EEF1E1: variants seen among roughly 807,000 people sequenced by gnomAD.
EEF1E1 encodes the protein eukaryotic translation elongation factor 1 epsilon-1.
EEF1E1 carries 19 observed loss-of-function variants against 19.9 expected under a neutral mutation model. The ratio of observed to expected loss-of-function variants is 0.95; its 90% confidence interval spans 0.66 to 1.40. The LOEUF is 1.40. EEF1E1 is among the 40% of genes most tolerant of loss of function. The probability of loss-of-function intolerance (pLI) is 0.00; values close to 1 mark genes in which losing one functional copy is unlikely to be tolerated. For synonymous variants in EEF1E1, 81 were observed against 80.0 expected (o/e 1.01, Z -0.07); for missense variants, 198 against 202.2 (o/e 0.98, Z 0.13).
At chr6:8,093,818 G>A (rs1758089805) in intron 2 of EEF1E1, among the ~76,000 whole-genome samples, 1 of 149,454 alleles carries the variant, frequency 6.7e-6, no homozygotes, top group African/African-American at 2.5e-5. Flanking sequence ...TTTTTTTTGA[G>A]ACACAGCCTC....
intron 1 of EEF1E1, among the ~76,000 whole-genome samples, chr6:8,099,782 ACAC>A (rs1286071039): frequency 0.018 from 2,179 of 121,588 alleles, 94 homozygotes; most frequent in African/African-American, 0.04. Flanking sequence ...ACACACACAC[ACAC>A]ACACACAAAA....
At chr6:8,090,405 ACT>A (rs1282915145) in intron 2 of EEF1E1, 124 bp from the exon 3 acceptor site, 2 of 684,144 alleles carry the variant, frequency 2.9e-6, no homozygotes, top group African/African-American at 1.9e-5. Context: ...TAATAAATTT[ACT>A]CTTTGACATT....
intron 2 of EEF1E1, among the ~76,000 whole-genome samples, chr6:8,095,794 T>A (rs1758157172): frequency 2.6e-5 from 4 of 152,116 alleles, no homozygotes; most frequent in Admixed American, 2.6e-4. Flanking sequence ...TGTCTTAAAA[T>A]AGCAAAACAA....
At chr6:8,081,362 C>T (rs1206557712) in intron 3 of EEF1E1, among the ~76,000 whole-genome samples, 3 of 152,186 alleles carry the variant, frequency 2.0e-5, no homozygotes, top group Non-Finnish European at 4.4e-5. Flanking sequence ...ATAAATAACA[C>T]ATCAGTCAAG....
chr6:8,093,462 G>A (rs1268655757), intron 2 of EEF1E1, among the ~76,000 whole-genome samples: 1 of 150,890 alleles, frequency 6.6e-6, no homozygotes, highest in Non-Finnish European at 1.5e-5. Context: ...TGAAAAAGCA[G>A]TAAAATAAAC....
chr6:8,096,436 C>G (rs764911923), intron 2 of EEF1E1, among the ~76,000 whole-genome samples: 27 of 152,186 alleles, frequency 1.8e-4, no homozygotes, highest in Non-Finnish European at 2.8e-4. Flanking sequence ...AGTTCTGAAA[C>G]TGACTTTGTA....
At chr6:8,100,773 G>A (rs946948998) in intron 1 of EEF1E1, among the ~76,000 whole-genome samples, 11 of 151,452 alleles carry the variant, frequency 7.3e-5, no homozygotes, top group Non-Finnish European at 7.4e-5. Flanking sequence ...TTTACGTACA[G>A]CTGTCCTGGT....
chr6:8,082,271 G>A (rs2815165), intron 3 of EEF1E1, among the ~76,000 whole-genome samples: 113,081 of 151,998 alleles, frequency 0.74, 42,550 homozygotes, highest in East Asian at 0.91. Flanking sequence ...TTATTCCAAT[G>A]ATTTATTTAT....
chr6:8,095,312 C>G, intron 2 of EEF1E1: 1 of 352,346 alleles, frequency 2.8e-6, no homozygotes, highest in Non-Finnish European at 5.7e-6. Flanking sequence ...ACCAGCCTGG[C>G]CAACATGATG....
chr6:8,077,273 A>T (rs367710893), downstream of EEF1E1, among the ~76,000 whole-genome samples: 8 of 152,200 alleles, frequency 5.3e-5, 1 homozygote, highest in African/African-American at 1.9e-4. Flanking sequence ...GGGCCCTAGG[A>T]TTTTTGGAAT....
At chr6:8,082,622 T>G (rs889419743) in intron 3 of EEF1E1, among the ~76,000 whole-genome samples, 8 of 152,228 alleles carry the variant, frequency 5.3e-5, no homozygotes, top group African/African-American at 1.9e-4. Flanking sequence ...TTTGACAATA[T>G]TTTTAGATGA....
At chr6:8,098,855 C>T (rs558530877) in intron 1 of EEF1E1, among the ~76,000 whole-genome samples, 61 of 152,286 alleles carry the variant, frequency 4.0e-4, no homozygotes, top group Admixed American at 1.3e-4. Context: ...GGAGGGGACA[C>T]AACCAACTCT....
Position 8,101,677 on chromosome 6 carries a change from C to T in EEF1E1, c.87+758G>A. 4 of 1,148,648 alleles carry T rather than the reference C, an allele frequency of 3.5e-6. No individual in the cohort carries two copies. In the South Asian group the frequency reaches 4.3e-5, roughly 12 times the overall value. 71.2% of individuals were successfully genotyped at this position (1,148,648 alleles called of 1,614,324 possible). A position where few individuals can be genotyped will look rare whatever the true frequency, so the allele number is the denominator to read the frequency against. ...TATATCCAAAGTAGTCTTCCTACAA[C>T]CAATTTCCTTCTCTAATACATTCCT... is the stretch of plus-strand genomic sequence containing the variant. On this transcript the variant is annotated intron_variant, in intron 1 of 3. Transcript: ENST00000379715.
At chr6:8,095,428 A>G (rs949603180) in intron 2 of EEF1E1, 13 of 369,418 alleles carry the variant, frequency 3.5e-5, no homozygotes, top group Non-Finnish European at 7.3e-5. Flanking sequence ...ACTTGAACCC[A>G]GGAGGCGGAG....
chr6:8,085,237 C>T (rs556245356), intron 3 of EEF1E1, among the ~76,000 whole-genome samples: 6 of 152,076 alleles, frequency 3.9e-5, no homozygotes, highest in Admixed American at 6.6e-5. Flanking sequence ...GCCTTGACCT[C>T]CCTGGGCTCA....
downstream of EEF1E1, chr6:8,078,562 C>G (rs916659569): frequency 7.8e-6 from 7 of 900,626 alleles, no homozygotes; most frequent in East Asian, 3.2e-4. Flanking sequence ...CCAATAGTCT[C>G]GCTCGAAGCA....
chr6:8,094,571 A>T (rs577714457), intron 2 of EEF1E1, among the ~76,000 whole-genome samples: 9,073 of 113,110 alleles, frequency 0.08, 362 homozygotes, highest in Non-Finnish European at 0.11. Context: ...ACTCTATTTA[A>T]AAAAAAAAAA....
chr6:8,092,869 C>CTTTTTTTTTTT (rs942764776), intron 2 of EEF1E1, among the ~76,000 whole-genome samples: 8 of 93,764 alleles, frequency 8.5e-5, no homozygotes, highest in Admixed American at 3.0e-4. Context: ...ATAAAGACTG[C>CTTTTTTTTTTT]TTTTTTTTTT....
chr6:8,102,397 G>A, intron 1 of EEF1E1, 38 bp downstream of exon 1: 3 of 1,591,166 alleles, frequency 1.9e-6, no homozygotes, highest in East Asian at 2.3e-5. Flanking sequence ...CCCCGCTCCC[G>A]TCCACCTCTT....
Sources: gnomAD v4.1 joint callset for allele counts (sites outside exome capture counted in the v4.1 genomes callset) on GRCh38, gnomAD v4.1.1 for gene constraint, MANE v1.5 for transcripts, NCBI Gene and HGNC (gene_info 2026-07-23, HGNC 2026-07-21) for gene names.